The following MARCHF1 variants were observed in gnomAD, a reference collection of about 807,000 sequenced individuals.
MARCHF1 encodes the protein membrane associated ring-CH-type finger 1, also known as E3 ubiquitin-protein ligase MARCHF1.
In MARCHF1, 40 loss-of-function variants were observed where a neutral mutation model predicts 54.2. The observed-to-expected ratio is 0.74, with a 90% CI of 0.57 to 0.96. The LOEUF (loss-of-function observed/expected upper bound fraction) is 0.96. Among genes scored for constraint, MARCHF1 ranks in the 40% least tolerant of loss-of-function variants. MARCHF1 has a pLI of 0.00. For missense variants in MARCHF1, 586 were observed against 656.5 expected, an observed-to-expected ratio of 0.89 and a Z score of 1.17; for synonymous variants, 236 against 236.3, an observed-to-expected ratio of 1.00 and a Z score of 0.01.
intron 5 of MARCHF1, among the ~76,000 whole-genome samples, chr4:163,638,221 A>AC (rs1742416995): frequency 6.7e-6 from 1 of 149,648 alleles, no homozygotes; most frequent in Non-Finnish European, 1.5e-5. Context: ...GTGCACATGT[A>AC]CCCTAAAACT....
intron 4 of MARCHF1, among the ~76,000 whole-genome samples, chr4:163,710,302 G>A (rs188420404): frequency 1.4e-3 from 211 of 152,216 alleles, no homozygotes; most frequent in African/African-American, 4.8e-3. Context: ...TATTAAGTTG[G>A]TGTGAAATAA....
At chr4:164,310,225 G>A (rs534423509) in intron 1 of MARCHF1, among the ~76,000 whole-genome samples, 9 of 151,956 alleles carry the variant, frequency 5.9e-5, no homozygotes, top group South Asian at 4.2e-4. Flanking sequence ...TCACAGGTGC[G>A]CACCACCACG....
rs189824378 is a variant in MARCHF1 at position 163,579,070 on chromosome 4, T to C, written c.1191+6679A>G. On this transcript the variant is annotated intron_variant, in intron 8 of 9. Coordinates refer to ENST00000514618, the MANE Select transcript of MARCHF1 (RefSeq NM_001394959.1). ...AACAACCTACTCTATAATACCAATC[T>C]CAGGTGAATTTCTTTGACATTTCAA... 4.8e-3 allele frequency among the ~76,000 whole-genome samples: 733 copies of C among 152,284 alleles called. 8 individuals carry two copies. The highest frequency in any genetic ancestry group is 0.01 in the Middle Eastern group (3 of 294).
chr4:164,351,116 C>A (rs1028282063), intron 1 of MARCHF1, among the ~76,000 whole-genome samples: 2 of 152,224 alleles, frequency 1.3e-5, no homozygotes, highest in East Asian at 1.9e-4. Flanking sequence ...GGTCCTACCC[C>A]ACGGAATCTC....
intron 2 of MARCHF1, among the ~76,000 whole-genome samples, chr4:163,995,609 T>C (rs1753060897): frequency 6.6e-6 from 1 of 152,104 alleles, no homozygotes; most frequent in South Asian, 2.1e-4. Context: ...CTAAGGATTT[T>C]AGGAGTTGTA....
At chr4:163,730,371 G>T (rs1745789921) in intron 4 of MARCHF1, among the ~76,000 whole-genome samples, 1 of 152,044 alleles carries the variant, frequency 6.6e-6, no homozygotes, top group Non-Finnish European at 1.5e-5. Context: ...TTGTCTGGCA[G>T]ATCCACCATC....
chr4:164,063,052 G>A (rs528161104), intron 2 of MARCHF1, among the ~76,000 whole-genome samples: 6 of 152,292 alleles, frequency 3.9e-5, no homozygotes, highest in Non-Finnish European at 5.9e-5. Flanking sequence ...GGGTTAAAAC[G>A]TTCAGTAACC....
rs114736127 is a variant in MARCHF1, at chr4:163,815,084, T to C, written c.111+38937A>G. 5.3e-3 allele frequency among the ~76,000 whole-genome samples: 800 copies of C among 152,320 alleles called. 7 individuals are homozygous for C. Among genetic ancestry groups the C allele is most frequent in the African/African-American group, 0.018 (757 of 41,580 alleles). On this transcript the variant is annotated intron_variant, in intron 4 of 9. Transcript: ENST00000514618. ...AGTAAAATAGTAATGGCAACATTAC[T>C]ATAACATACAAGTTGGCATTCTACC... is the stretch of plus-strand genomic sequence containing the variant.
intron 2 of MARCHF1, among the ~76,000 whole-genome samples, chr4:164,104,085 TAGACCAATAACAGGAGCTGAAA>T (rs1173181458): frequency 1.2e-4 from 18 of 151,140 alleles, no homozygotes; most frequent in African/African-American, 4.4e-4. Context: ...AATCTCTGAA[TAGACCAATAACAGGAGCTGAAA>T]TTGTGGCAAT....
At chr4:163,613,806 G>C (rs758507590) in intron 5 of MARCHF1, among the ~76,000 whole-genome samples, 1 of 152,076 alleles carries the variant, frequency 6.6e-6, no homozygotes, top group Admixed American at 6.5e-5. Context: ...CAGCCATTAG[G>C]TTGCTAGATA....
chr4:164,015,544 G>A (rs1190952482), intron 2 of MARCHF1, among the ~76,000 whole-genome samples: 2 of 152,138 alleles, frequency 1.3e-5, no homozygotes, highest in African/African-American at 4.8e-5. Context: ...GAAAGTGTTT[G>A]TAAACTTCCA....
In MARCHF1 at chr4:164,016,926, T is replaced by C. The variant is rs559620465; in HGVS notation, c.-247-28217A>G. Among the ~76,000 whole-genome samples, 98 of 152,184 alleles carry C rather than the reference T, an allele frequency of 6.4e-4. 1 individual carries two copies. Among genetic ancestry groups the C allele is most frequent in the African/African-American group, 2.2e-3 (92 of 41,552 alleles). On this transcript the variant is annotated intron_variant, in intron 2 of 9. Coordinates refer to ENST00000514618, the MANE Select transcript of MARCHF1 (RefSeq NM_001394959.1). ...AAACATCACATGTACCCTATAAATA[T>C]GTACAATAATTATGTATCCATTATA... is the stretch of plus-strand genomic sequence containing the variant.
chr4:164,233,163 A>C (rs747435151), intron 1 of MARCHF1, among the ~76,000 whole-genome samples: 2 of 152,148 alleles, frequency 1.3e-5, no homozygotes, highest in Non-Finnish European at 2.9e-5. Flanking sequence ...TGAATAAATA[A>C]ATAAATCCTA....
chr4:163,816,867 C>A (rs981829341), intron 4 of MARCHF1, among the ~76,000 whole-genome samples: 1 of 152,048 alleles, frequency 6.6e-6, no homozygotes, highest in Non-Finnish European at 1.5e-5. Context: ...TCACTCCCCC[C>A]GCTGTGCCCC....
intron 4 of MARCHF1, among the ~76,000 whole-genome samples, chr4:163,727,245 C>G (rs116807668): frequency 2.7e-5 from 4 of 150,824 alleles, no homozygotes; most frequent in Admixed American, 6.6e-5. Flanking sequence ...ACATTTAGGT[C>G]TTTGATCCAT....
intron 2 of MARCHF1, among the ~76,000 whole-genome samples, chr4:164,071,370 T>G (rs180982534): frequency 5.9e-5 from 9 of 152,248 alleles, no homozygotes; most frequent in Admixed American, 5.9e-4. Flanking sequence ...GCATGGATTA[T>G]AATAGATTTC....
chr4:164,247,602 TATA>T (rs1390106546), intron 1 of MARCHF1, among the ~76,000 whole-genome samples: 3 of 28,920 alleles, frequency 1.0e-4, no homozygotes, highest in Non-Finnish European at 2.5e-4. Flanking sequence ...AAACTTAAAG[TATA>T]ATAATAAAAA....
In MARCHF1 at chr4:163,603,040, C is replaced by T. The variant is rs188567626; in HGVS notation, c.1010+9231G>A. ...TGTTCAAGGATGTGATAGATGATAA[C>T]GTGTGCTACTGTTCCAAAGGTTTGC... On this transcript the variant is annotated intron_variant, in intron 7 of 9. Transcript: ENST00000514618. Among the ~76,000 whole-genome samples the T allele has an allele frequency of 3.9e-5, 6 of 152,170 alleles. No individual in the cohort carries two copies. The East Asian group carries it at 5.8e-4, about 15-fold the overall frequency.
At chr4:163,947,751 G>A (rs1056840680) in intron 3 of MARCHF1, among the ~76,000 whole-genome samples, 2 of 152,190 alleles carry the variant, frequency 1.3e-5, no homozygotes, top group Admixed American at 6.5e-5. Flanking sequence ...AACTAGTAGC[G>A]TAGCTTATAT....
Sources: gnomAD v4.1 joint callset for allele counts (sites outside exome capture counted in the v4.1 genomes callset) on GRCh38, gnomAD v4.1.1 for gene constraint, MANE v1.5 for transcripts, NCBI Gene and HGNC (gene_info 2026-07-23, HGNC 2026-07-21) for gene names.